The following IZUMO4 variants were observed in gnomAD, a reference collection of about 807,000 sequenced individuals.
IZUMO4 encodes IZUMO family member 4.
IZUMO4 carries 51 observed loss-of-function variants against 37.1 expected under a neutral mutation model. The observed-to-expected ratio is 1.38, with a 90% CI of 1.10 to 1.74. The LOEUF (loss-of-function observed/expected upper bound fraction) is 1.74. Among genes scored for constraint, IZUMO4 ranks in the 40% most tolerant of loss-of-function variants. The pLI is 0.00. For synonymous variants in IZUMO4, 162 were observed against 121.4 expected, an observed-to-expected ratio of 1.33 and a Z score of -2.20; for missense variants, 364 against 299.6, an observed-to-expected ratio of 1.21 and a Z score of -1.59.
At position 2,098,343 on chromosome 19, in the gene IZUMO4, G is replaced by C; in HGVS notation, c.521+9G>C. ...GGCCTCCTGAACTACATGTGAGTGGGGTCTTTGGGTGGCAGCAAGCTCACC... is the reference window on the plus strand; with the variant it reads ...GGCCTCCTGAACTACATGTGAGTGGCGTCTTTGGGTGGCAGCAAGCTCACC... On this transcript the variant is annotated intron_variant, in intron 6 of 9. Coordinates refer to ENST00000395301, the MANE Select transcript of IZUMO4 (RefSeq NM_001039846.2). 1 of 1,614,050 alleles carries C rather than the reference G, an allele frequency of 6.2e-7. No homozygotes were observed. Among genetic ancestry groups the C allele is most frequent in the African/African-American group, 1.3e-5 (1 of 75,058 alleles).
intron 7 of IZUMO4, 112 bp from the exon 8 acceptor site, chr19:2,098,675 C>T: frequency 6.4e-7 from 1 of 1,565,312 alleles, no homozygotes; most frequent in Non-Finnish European, 8.6e-7. Flanking sequence ...AAAGGGTCCC[C>T]ATAGGGTCTG....
At chr19:2,099,087 G>A (rs2017826122) in intron 9 of IZUMO4, 58 bp downstream of exon 9, 2 of 1,527,540 alleles carry the variant, frequency 1.3e-6, no homozygotes, top group African/African-American at 1.4e-5. Context: ...GCCAACACCA[G>A]CGTGCCGCGG....
chr19:2,098,702 G>A (rs1031481169), intron 7 of IZUMO4, 85 bp from the exon 8 acceptor site: 44 of 1,581,106 alleles, frequency 2.8e-5, no homozygotes, highest in Non-Finnish European at 3.7e-5. Context: ...CCCCATCCCA[G>A]GTCTGTGGTC....
rs748997236 is a variant in IZUMO4 at position 2,097,631 on chromosome 19, G to A, written c.370+136G>A. The A allele has an allele frequency of 9.4e-6, 8 of 851,254 alleles. No homozygotes were observed. In the East Asian group the frequency reaches 1.5e-4, roughly 16 times the overall value. The allele number at this position is 851,254 out of a possible 1,614,324, so 52.7% of individuals were successfully genotyped here. Reference sequence around the variant, plus strand: ...GGGGAGGAGGGCAGCTCTCCAGGGAGGGACCCAGCCTAGCACCTGAAGGAT... The same window carrying A: ...GGGGAGGAGGGCAGCTCTCCAGGGAAGGACCCAGCCTAGCACCTGAAGGAT... On this transcript the variant is annotated intron_variant, in intron 3 of 9. Coordinates refer to ENST00000395301, the MANE Select transcript of IZUMO4 (RefSeq NM_001039846.2).
At chr19:2,098,602 C>A in intron 7 of IZUMO4, 152 bp downstream of exon 7, 2 of 1,582,678 alleles carry the variant, frequency 1.3e-6, no homozygotes, top group Non-Finnish European at 8.6e-7. Flanking sequence ...GCGCAGGAGG[C>A]GGCTGCAGTC....
chr19:2,099,438 A>T lies in IZUMO4; in HGVS notation c.*93A>T. ...TCTGGAGCTGGGCTGCTGCTGCCTC[A>T]GGACCCCCTCTCCGACCCCGGACAG... On this transcript the variant is annotated 3_prime_UTR_variant, in exon 10 of 10. Coordinates refer to ENST00000395301, the MANE Select transcript of IZUMO4 (RefSeq NM_001039846.2). The T allele has an allele frequency of 1.5e-6, 1 of 681,490 alleles. No homozygotes were observed. Among genetic ancestry groups the T allele is most frequent in the South Asian group, 1.5e-5 (1 of 66,418 alleles). The allele number at this position is 681,490 out of a possible 1,614,324, so 42.2% of individuals were successfully genotyped here. A position where few individuals can be genotyped will look rare whatever the true frequency, so the allele number is the denominator to read the frequency against.
At position 2,098,797 on chromosome 19, in the gene IZUMO4, A is replaced by G; in HGVS notation, c.547A>G (p.Ser183Gly). The change falls in exon 8 of 10, where the codon AGC (serine) becomes GGC (glycine). Residue 183 changes from serine to glycine, a missense_variant. Physicochemically the swap from Ser to Gly is moderately conservative, Grantham distance 56. Transcript: ENST00000395301. ...CACATTGCCTTTCAGACAGGACACG[A>G]GCATGAGGTAAGGCCGCCCTGACCT... ...YINNWHKQDTSMRPRSSAFSW... is the reference protein window; with the variant it reads ...YINNWHKQDTGMRPRSSAFSW... The G allele has an allele frequency of 1.3e-6, 2 of 1,599,724 alleles. No individual in the cohort carries two copies. Among genetic ancestry groups the G allele is most frequent in the Non-Finnish European group, 1.7e-6 (2 of 1,173,684 alleles).
chr19:2,097,155 C>G lies in IZUMO4; in HGVS notation c.210C>G (p.Ala70=). 6.2e-7 allele frequency: 1 copy of G among 1,610,386 alleles called. No individual in the cohort carries two copies. Among genetic ancestry groups the G allele is most frequent in the Non-Finnish European group, 8.5e-7 (1 of 1,178,302 alleles). Residue 70 remains alanine (A), a synonymous_variant, in exon 1 of 10, where the codon GCC becomes GCG. Transcript: ENST00000395301. ...AGGAGCTGCACCTGGCCATCCCCGC[C>G]AAGATCAGTGAGTGCCGGAGCCCAG... ...TMKELHLAIP[A]KITREKLDQV...
rs2017817326 is a variant in IZUMO4, at chr19:2,098,989, GC to G, written c.570del (p.Phe191SerfsTer19). 6.2e-7 allele frequency: 1 copy of G among 1,613,044 alleles called. No individual in the cohort carries two copies. The highest frequency in any genetic ancestry group is 8.5e-7 in the Non-Finnish European group (1 of 1,179,976). ...QDTSMRPRSS[A>X]FSWPGTHRAT... ...TTTCATGAACAGACCACGCTCCTCT[GC>G]CTTCTCCTGGCCTGGGACACACAGA... On this transcript the variant is annotated frameshift_variant, in exon 9 of 10. Coordinates refer to ENST00000395301, the MANE Select transcript of IZUMO4 (RefSeq NM_001039846.2). LOFTEE classifies it low-confidence loss of function (END_TRUNC).
At chr19:2,098,258 C>A (rs375339951) in intron 5 of IZUMO4, 29 bp from the exon 6 acceptor site, 2 of 1,613,354 alleles carry the variant, frequency 1.2e-6, no homozygotes, top group South Asian at 1.1e-5. Context: ...GGTTCAGGGG[C>A]GCACCACTTC....
chr19:2,098,974 A>C lies in IZUMO4; in HGVS notation c.555-2A>C. 1 of 1,613,098 alleles carries C rather than the reference A, an allele frequency of 6.2e-7. No homozygotes were observed. The highest frequency in any genetic ancestry group is 1.1e-5 in the South Asian group (1 of 91,084). ...ACACCCATGTGGTGGTTTCATGAAC[A>C]GACCACGCTCCTCTGCCTTCTCCTG... On this transcript the variant is annotated splice_acceptor_variant, in intron 8 of 9. Coordinates refer to ENST00000395301, the MANE Select transcript of IZUMO4 (RefSeq NM_001039846.2). LOFTEE classifies it high-confidence loss of function.
At chr19:2,099,145 GC>G in intron 9 of IZUMO4, 109 bp from the exon 10 acceptor site, 1 of 1,380,532 alleles carries the variant, frequency 7.2e-7, no homozygotes, top group Non-Finnish European at 1.0e-6. Flanking sequence ...CGTGGATGTG[GC>G]CACACATAGG....
Position 2,098,073 on chromosome 19 carries a change from T to C in IZUMO4, c.419T>C (p.Ile140Thr), listed in dbSNP as rs1339177559. Reference sequence around the variant, plus strand: ...TCAGGCATCTTCCAGTACGAGACCATCTCCTGCAACAACTGCACAGACTCG... The same window carrying C: ...TCAGGCATCTTCCAGTACGAGACCACCTCCTGCAACAACTGCACAGACTCG... ...HRCGIFQYET[I>T]SCNNCTDSHV... is the part of the protein sequence containing the mutation. The change falls in exon 5 of 10, where the codon ATC becomes ACC. Residue 140 changes from isoleucine (I) to threonine (T), a missense_variant. By Grantham distance (89) the Ile-to-Thr change is moderately conservative. Coordinates refer to ENST00000395301, the MANE Select transcript of IZUMO4 (RefSeq NM_001039846.2). 3 of 1,613,348 alleles carry C rather than the reference T, an allele frequency of 1.9e-6. No individual in the cohort carries two copies. In the African/African-American group the frequency reaches 4.0e-5, roughly 22 times the overall value.
intron 9 of IZUMO4, 83 bp from the exon 10 acceptor site, chr19:2,099,172 T>C (rs2017833918): frequency 3.6e-5 from 51 of 1,407,124 alleles, no homozygotes; most frequent in Non-Finnish European, 5.1e-5. Flanking sequence ...ACGTCCCAGC[T>C]GGGAGGAGAG....
rs984185489 is a variant in IZUMO4, at chr19:2,099,422, G to C, written c.*77G>C. ...AGCCCCTGCCTGTCACTCTGGAGCTGGGCTGCTGCTGCCTCAGGACCCCCT... is the reference window on the plus strand; with the variant it reads ...AGCCCCTGCCTGTCACTCTGGAGCTCGGCTGCTGCTGCCTCAGGACCCCCT... On this transcript the variant is annotated 3_prime_UTR_variant, in exon 10 of 10. Transcript: ENST00000395301. The C allele has an allele frequency of 9.0e-7, 1 of 1,108,888 alleles. No individual in the cohort carries two copies. Among genetic ancestry groups the C allele is most frequent in the Non-Finnish European group, 1.3e-6 (1 of 748,098 alleles). 68.7% of individuals were successfully genotyped at this position (1,108,888 alleles called of 1,614,324 possible). A position where few individuals can be genotyped will look rare whatever the true frequency, so the allele number is the denominator to read the frequency against.
intron 7 of IZUMO4, 71 bp downstream of exon 7, chr19:2,098,521 G>T: frequency 6.2e-7 from 1 of 1,609,824 alleles, no homozygotes; most frequent in Non-Finnish European, 8.5e-7. Context: ...TATGTGTGGG[G>T]CACAGGCTGG....
At chr19:2,099,091 G>T in intron 9 of IZUMO4, 62 bp downstream of exon 9, 1 of 1,505,660 alleles carries the variant, frequency 6.6e-7, no homozygotes, top group Non-Finnish European at 9.2e-7. Context: ...ACACCAGCGT[G>T]CCGCGGCCTG....
In IZUMO4 at chr19:2,098,274, C is replaced by T. The variant is rs768156077; in HGVS notation, c.474-13C>T. Reference sequence around the variant, plus strand: ...GTTCAGGGGCGCACCACTTCCAAGCCTGTGTCCCACAGGTCCTCGGCGCAG... The same window carrying T: ...GTTCAGGGGCGCACCACTTCCAAGCTTGTGTCCCACAGGTCCTCGGCGCAG... On this transcript the variant is annotated splice_polypyrimidine_tract_variant and intron_variant, in intron 5 of 9. Coordinates refer to ENST00000395301, the MANE Select transcript of IZUMO4 (RefSeq NM_001039846.2). The T allele has an allele frequency of 4.3e-6, 7 of 1,613,696 alleles. No individual in the cohort carries two copies. Among genetic ancestry groups the T allele is most frequent in the Admixed American group, 1.7e-5 (1 of 60,012 alleles).
At chr19:2,097,361 C>T in intron 2 of IZUMO4, 29 bp downstream of exon 2, 1 of 1,609,884 alleles carries the variant, frequency 6.2e-7, no homozygotes, top group Non-Finnish European at 8.5e-7. Flanking sequence ...AGGCGGGGCC[C>T]CCCCACCCCG....
Sources: allele counts gnomAD v4.1 joint callset, GRCh38; gene constraint gnomAD v4.1.1; transcripts MANE v1.5; gene names NCBI Gene and HGNC (gene_info 2026-07-23, HGNC 2026-07-21).